Variants in LHPP observed in about 807,000 individuals in gnomAD.
LHPP encodes the protein phospholysine phosphohistidine inorganic pyrophosphate phosphatase.
A neutral mutation model predicts 30.3 loss-of-function variants in LHPP; 24 were observed. The observed-to-expected ratio is 0.79, with a 90% confidence interval of 0.57 to 1.11. The LOEUF (loss-of-function observed/expected upper bound fraction) is 1.11. Ranked by LOEUF, LHPP falls within the 50% of genes most tolerant of loss-of-function variation. The pLI is 0.00. For synonymous variants in LHPP, 150 were observed against 157.1 expected (o/e 0.95, Z 0.34); for missense variants, 356 against 367.2 (o/e 0.97, Z 0.25).
At chr10:124,552,989 T>C (rs1300062312) in intron 6 of LHPP, among the ~76,000 whole-genome samples, 1 of 152,250 alleles carries the variant, frequency 6.6e-6, no homozygotes, top group Non-Finnish European at 1.5e-5. Context: ...TACTGGAATA[T>C]CCTTTAAGCT....
chr10:124,498,821 C>A (rs912125207), intron 5 of LHPP: 4 of 380,948 alleles, frequency 1.1e-5, no homozygotes, highest in African/African-American at 2.2e-5. Context: ...ACCAGGCCCC[C>A]CCCCCGCCAA....
chr10:124,549,559 A>T (rs537134013), intron 6 of LHPP, among the ~76,000 whole-genome samples: 1 of 152,146 alleles, frequency 6.6e-6, no homozygotes, highest in East Asian at 1.9e-4. Flanking sequence ...TTCTTTCTTC[A>T]CTTTAGTCTT....
chr10:124,576,873 C>T lies in LHPP; in HGVS notation c.717-36391C>T, dbSNP rs1194253326. Among the ~76,000 whole-genome samples, 3 of 152,084 alleles carry T rather than the reference C, an allele frequency of 2.0e-5. No individual in the cohort carries two copies. Among genetic ancestry groups the T allele is most frequent in the African/African-American group, 7.2e-5 (3 of 41,388 alleles). On this transcript the variant is annotated intron_variant, in intron 6 of 6. Coordinates refer to ENST00000368842, the MANE Select transcript of LHPP (RefSeq NM_022126.4). The surrounding 1 kb of genome is among the most constrained non-coding windows in gnomAD (Gnocchi z 4.2). ...GCCCGTGGGTGGGCTGCTGAGCACC[C>T]GACCACAGCCAGGCCTCCATGTGCC...
chr10:124,486,605 T>A (rs1347831305), intron 2 of LHPP, among the ~76,000 whole-genome samples: 2 of 152,268 alleles, frequency 1.3e-5, no homozygotes, highest in Admixed American at 6.5e-5. Context: ...CCAGCGATGA[T>A]GTGTGACAAC....
chr10:124,575,949 G>A (rs1948654113), intron 6 of LHPP, among the ~76,000 whole-genome samples: 1 of 152,184 alleles, frequency 6.6e-6, no homozygotes, highest in Admixed American at 6.5e-5. Flanking sequence ...TCGGGGGTCT[G>A]GGCAGCCTGG....
At chr10:124,557,014 G>A (rs534451820) in intron 6 of LHPP, among the ~76,000 whole-genome samples, 7 of 152,236 alleles carry the variant, frequency 4.6e-5, no homozygotes, top group African/African-American at 9.6e-5. Flanking sequence ...AATTTCAGGC[G>A]CACGAGACAG....
chr10:124,559,147 G>A (rs1261312865), intron 6 of LHPP, among the ~76,000 whole-genome samples: 1 of 152,236 alleles, frequency 6.6e-6, no homozygotes, highest in Non-Finnish European at 1.5e-5. Context: ...AGCAGGTGCA[G>A]CGGGCAAGGT....
intron 6 of LHPP, among the ~76,000 whole-genome samples, chr10:124,603,729 C>T (rs957619335): frequency 1.3e-5 from 2 of 152,236 alleles, no homozygotes; most frequent in Non-Finnish European, 2.9e-5. Context: ...GGCCACCCTT[C>T]GTGCCAGGAC....
At chr10:124,549,328 G>A (rs930002852) in intron 6 of LHPP, among the ~76,000 whole-genome samples, 2 of 152,038 alleles carry the variant, frequency 1.3e-5, no homozygotes, top group African/African-American at 4.8e-5. Context: ...AGCTACTCGG[G>A]AGGCTGAGGC....
intron 6 of LHPP, among the ~76,000 whole-genome samples, chr10:124,540,330 G>A (rs1373209740): frequency 7.2e-5 from 11 of 152,092 alleles, no homozygotes; most frequent in Non-Finnish European, 1.0e-4. Context: ...ACCAGGGGGC[G>A]GCAGGGACTT....
In LHPP at chr10:124,512,914, G is replaced by A. The variant is rs537980212; in HGVS notation, c.625-4266G>A. ...TGGAGAGCAAATTCCACCTGGACCCGTCCTTGCAGGCAGAGTCCAAATCTA... is the reference window on the plus strand; with the variant it reads ...TGGAGAGCAAATTCCACCTGGACCCATCCTTGCAGGCAGAGTCCAAATCTA... On this transcript the variant is annotated intron_variant, in intron 5 of 6. Coordinates refer to ENST00000368842, the MANE Select transcript of LHPP (RefSeq NM_022126.4). Among the ~76,000 whole-genome samples, 99 of 152,210 alleles carry A rather than the reference G, an allele frequency of 6.5e-4. 2 individuals carry two copies. The highest frequency in any genetic ancestry group is 2.2e-3 in the African/African-American group (91 of 41,548).
rs1373652543 is a variant in LHPP, at chr10:124,541,336, T to C, written c.716+24065T>C. On this transcript the variant is annotated intron_variant, in intron 6 of 6. Coordinates refer to ENST00000368842, the MANE Select transcript of LHPP (RefSeq NM_022126.4). This position sits in a 1 kb window ranked among gnomAD's most constrained non-coding sequence, Gnocchi z 4.2. ...GAGGCTGACTTTATCGAGGGCTGCT[T>C]TGTGGCGGGCGTTCATTGTGGAAAG... Among the ~76,000 whole-genome samples, 1 of 152,178 alleles carries C rather than the reference T, an allele frequency of 6.6e-6. No individual in the cohort carries two copies. The highest frequency in any genetic ancestry group is 2.4e-5 in the African/African-American group (1 of 41,448).
Position 124,590,016 on chromosome 10 carries a change from C to A in LHPP, c.717-23248C>A, listed in dbSNP as rs1948859291. On this transcript the variant is annotated intron_variant, in intron 6 of 6. Coordinates refer to ENST00000368842, the MANE Select transcript of LHPP (RefSeq NM_022126.4). The surrounding 1 kb of genome is among the most constrained non-coding windows in gnomAD (Gnocchi z 4.3). ...TTTCAGGAAAGTTCTCTCCATCCCACCACTCCACCGCCCCCCGCCCTTAGA... is the reference window on the plus strand; with the variant it reads ...TTTCAGGAAAGTTCTCTCCATCCCAACACTCCACCGCCCCCCGCCCTTAGA... 6.6e-6 allele frequency among the ~76,000 whole-genome samples: 1 copy of A among 152,230 alleles called. No homozygotes were observed. Among genetic ancestry groups the A allele is most frequent in the Non-Finnish European group, 1.5e-5 (1 of 68,046 alleles).
At chr10:124,497,305 G>A (rs961872211) in intron 4 of LHPP, among the ~76,000 whole-genome samples, 14 of 57,274 alleles carry the variant, frequency 2.4e-4, no homozygotes, top group African/African-American at 8.9e-4. Flanking sequence ...TCCAGTGGGC[G>A]CAGCCCCCCC....
chr10:124,574,137 CAT>C (rs748295720), intron 6 of LHPP, among the ~76,000 whole-genome samples: 6 of 152,192 alleles, frequency 3.9e-5, no homozygotes, highest in Non-Finnish European at 8.8e-5. Context: ...TCTGCGTGCA[CAT>C]GTGTGAAACC....
Position 124,560,315 on chromosome 10 carries a change from ATTTCC to A in LHPP, c.716+43047_716+43051del, listed in dbSNP as rs1436575713. Reference sequence around the variant, plus strand: ...GGCAACATCAGTTAACATGTGGCATATTTCCTTCCCGTCTCCTCCACTCCCATTTT... The same window carrying A: ...GGCAACATCAGTTAACATGTGGCATATTCCCGTCTCCTCCACTCCCATTTT... On this transcript the variant is annotated intron_variant, in intron 6 of 6. Coordinates refer to ENST00000368842, the MANE Select transcript of LHPP (RefSeq NM_022126.4). Among the ~76,000 whole-genome samples, 3 of 152,218 alleles carry A rather than the reference ATTTCC, an allele frequency of 2.0e-5. No individual in the cohort carries two copies. In the East Asian group the frequency reaches 5.8e-4, roughly 29 times the overall value.
chr10:124,530,345 T>G (rs1954863475), intron 6 of LHPP, among the ~76,000 whole-genome samples: 1 of 152,102 alleles, frequency 6.6e-6, no homozygotes, highest in Non-Finnish European at 1.5e-5. Context: ...AGGCCGGGCC[T>G]GCTGGAGCCA....
intron 5 of LHPP, among the ~76,000 whole-genome samples, chr10:124,516,283 G>T (rs1017172344): frequency 6.6e-6 from 1 of 152,232 alleles, no homozygotes; most frequent in African/African-American, 2.4e-5. Flanking sequence ...CTTGCATGGA[G>T]AGGGCACTCC....
chr10:124,517,894 T>C lies in LHPP; in HGVS notation c.716+623T>C, dbSNP rs1954499131. ...GCTCGCCTGGTCATCGAGAGGATCT[T>C]GGACATCAGAGTGTTGCCTTGCCTT... On this transcript the variant is annotated intron_variant, in intron 6 of 6. Coordinates refer to ENST00000368842, the MANE Select transcript of LHPP (RefSeq NM_022126.4). The surrounding 1 kb of genome is among the most constrained non-coding windows in gnomAD (Gnocchi z 4.1). Among the ~76,000 whole-genome samples the C allele has an allele frequency of 1.3e-5, 2 of 152,214 alleles. No homozygotes were observed. Among genetic ancestry groups the C allele is most frequent in the South Asian group, 4.1e-4 (2 of 4,826 alleles).
Sources: gnomAD v4.1 joint callset for allele counts (sites outside exome capture counted in the v4.1 genomes callset) on GRCh38, gnomAD v4.1.1 for gene constraint, Gnocchi (gnomAD v3.1) non-coding constraint, MANE v1.5 for transcripts, NCBI Gene and HGNC (gene_info 2026-07-23, HGNC 2026-07-21) for gene names.